TBCK: variants seen among roughly 807,000 people sequenced by gnomAD.
TBCK encodes the protein TBC domain-containing protein kinase-like protein.
TBCK carries 99 observed loss-of-function variants against 113.4 expected under a neutral mutation model. That is an observed-to-expected ratio of 0.87 (90% CI 0.74 to 1.03). The LOEUF (loss-of-function observed/expected upper bound fraction) is 1.03. TBCK is among the 50% of genes least tolerant of loss of function. The pLI, the probability that TBCK is intolerant of heterozygous loss-of-function variation, is 0.00. For synonymous variants in TBCK, 369 were observed against 370.8 expected (o/e 1.00, Z 0.05); for missense variants, 1,045 against 1,061.3 (o/e 0.98, Z 0.21).
chr4:106,229,998 A>G (rs1396551416), intron 19 of TBCK, among the ~76,000 whole-genome samples: 1 of 151,912 alleles, frequency 6.6e-6, no homozygotes, highest in Admixed American at 6.6e-5. Flanking sequence ...TATTTTTAAT[A>G]CTCTGCTTAC....
chr4:106,067,612 A>T (rs1289344783), intron 25 of TBCK, among the ~76,000 whole-genome samples: 1 of 152,024 alleles, frequency 6.6e-6, no homozygotes, highest in Non-Finnish European at 1.5e-5. Context: ...TTCCTCTAAG[A>T]GTTTTATAGT....
intron 24 of TBCK, among the ~76,000 whole-genome samples, chr4:106,101,036 G>C (rs1741489601): frequency 6.6e-6 from 1 of 152,076 alleles, no homozygotes; most frequent in Non-Finnish European, 1.5e-5. Flanking sequence ...TCAGACATAG[G>C]CCATTTCATA....
At chr4:106,109,018 T>TACACACACACAC (rs112164356) in intron 24 of TBCK, among the ~76,000 whole-genome samples, 3 of 140,520 alleles carry the variant, frequency 2.1e-5, no homozygotes, top group African/African-American at 7.9e-5. Context: ...GACACACACA[T>TACACACACACAC]ACACACACAC....
chr4:106,194,845 A>T, intron 20 of TBCK, 91 bp from the exon 21 acceptor site: 2 of 1,168,214 alleles, frequency 1.7e-6, no homozygotes, highest in South Asian at 2.9e-5. Flanking sequence ...TGGTAAATGT[A>T]AGTTCTATGT....
chr4:106,155,672 T>G (rs761452605), intron 23 of TBCK, among the ~76,000 whole-genome samples: 2 of 152,086 alleles, frequency 1.3e-5, no homozygotes, highest in Non-Finnish European at 2.9e-5. Flanking sequence ...TAGAGGACTG[T>G]GATGCATTCT....
chr4:106,136,133 C>CT (rs200800939), intron 23 of TBCK, among the ~76,000 whole-genome samples: 7 of 140,118 alleles, frequency 5.0e-5, no homozygotes, highest in Admixed American at 2.1e-4. Flanking sequence ...TCTTTATCTC[C>CT]TTTTTTTATT....
At chr4:106,221,025 A>G (rs1757617600) in intron 19 of TBCK, among the ~76,000 whole-genome samples, 1 of 152,258 alleles carries the variant, frequency 6.6e-6, no homozygotes, top group Admixed American at 6.5e-5. Flanking sequence ...GCTCCAGTTT[A>G]TTAAATATCA....
At chr4:106,276,729 T>G (rs114806872) in intron 3 of TBCK, among the ~76,000 whole-genome samples, 154 of 151,780 alleles carry the variant, frequency 1.0e-3, no homozygotes, top group African/African-American at 3.7e-3. Context: ...AAACCACATA[T>G]CTACTAAAAA....
chr4:106,192,416 G>A (rs1329100522), intron 22 of TBCK, among the ~76,000 whole-genome samples: 2 of 139,226 alleles, frequency 1.4e-5, no homozygotes, highest in Admixed American at 6.9e-5. Context: ...CCCAGTTTGC[G>A]AAACTAGCTT....
intron 19 of TBCK, among the ~76,000 whole-genome samples, chr4:106,228,445 G>A (rs181779884): frequency 3.3e-5 from 5 of 151,156 alleles, no homozygotes; most frequent in African/African-American, 7.3e-5. Flanking sequence ...ATCTCCATGA[G>A]TTCAAATGTT....
At position 106,171,145 on chromosome 4, in the gene TBCK, A is replaced by C; in HGVS notation, c.2185T>G (p.Ser729Ala). ...CACTCAGCAGAGAAATAAGGTGCCGAACTTCTGCCTCCACTGCTGTCAGAA... is the reference window on the plus strand; with the variant it reads ...CACTCAGCAGAGAAATAAGGTGCCGCACTTCTGCCTCCACTGCTGTCAGAA... ...PSSDSSGGRS[S>A]APYFSAECPD... Residue 729 changes from serine (S) to alanine (A), a missense_variant, in exon 23 of 26, where the codon TCG becomes GCG. Coordinates refer to ENST00000394708, the MANE Select transcript of TBCK (RefSeq NM_001163435.3). The C allele has an allele frequency of 6.2e-7, 1 of 1,612,888 alleles. No individual in the cohort carries two copies. The highest frequency in any genetic ancestry group is 8.5e-7 in the Non-Finnish European group (1 of 1,179,412).
chr4:106,054,336 C>T (rs1486923052), intron 25 of TBCK, among the ~76,000 whole-genome samples: 4 of 151,734 alleles, frequency 2.6e-5, no homozygotes, highest in African/African-American at 7.2e-5. Flanking sequence ...TAATCTTTCT[C>T]TACATGACAA....
intron 2 of TBCK, among the ~76,000 whole-genome samples, chr4:106,307,889 T>C (rs1158571241): frequency 6.6e-6 from 1 of 152,142 alleles, no homozygotes; most frequent in Non-Finnish European, 1.5e-5. Context: ...ACACTGACTT[T>C]TTAACCAATA....
At chr4:106,086,160 T>G (rs1454871368) in intron 25 of TBCK, among the ~76,000 whole-genome samples, 2 of 151,826 alleles carry the variant, frequency 1.3e-5, no homozygotes, top group East Asian at 3.9e-4. Flanking sequence ...AGCTTTTTTT[T>G]GAAAAAATTA....
At position 106,046,558 on chromosome 4, in the gene TBCK, A is replaced by C. The variant is rs199602528; in HGVS notation, c.*12T>G. On this transcript the variant is annotated 3_prime_UTR_variant, in exon 26 of 26. Coordinates refer to ENST00000394708, the MANE Select transcript of TBCK (RefSeq NM_001163435.3). ...TGCCACACTAAGTTTTGGCAGTCAC[A>C]CTCTTGGTTCTTCATATTTGAGGAG... The C allele has an allele frequency of 2.5e-5, 37 of 1,499,916 alleles. No individual in the cohort carries two copies. In the African/African-American group the frequency reaches 3.9e-4, roughly 16 times the overall value. 92.9% of individuals were successfully genotyped at this position (1,499,916 alleles called of 1,614,324 possible).
rs1206711248 is a variant in TBCK at position 106,212,851 on chromosome 4, T to A, written c.1775-16A>T. 1.3e-6 allele frequency: 2 copies of A among 1,556,904 alleles called. No individual in the cohort carries two copies. Among genetic ancestry groups the A allele is most frequent in the East Asian group, 2.3e-5 (1 of 44,380 alleles). On this transcript the variant is annotated splice_polypyrimidine_tract_variant and intron_variant, in intron 19 of 25. Coordinates refer to ENST00000394708, the MANE Select transcript of TBCK (RefSeq NM_001163435.3). ...GTCAGATACTCTGAAATTACAAAGTTTGAGACAATCATCATTTTTACACAG... is the reference window on the plus strand; with the variant it reads ...GTCAGATACTCTGAAATTACAAAGTATGAGACAATCATCATTTTTACACAG...
intron 20 of TBCK, among the ~76,000 whole-genome samples, chr4:106,202,180 C>CT (rs11288078): frequency 2.7e-5 from 4 of 150,054 alleles, no homozygotes; most frequent in South Asian, 2.1e-4. Context: ...AAGATACACA[C>CT]TTTTTTTTTT....
intron 3 of TBCK, among the ~76,000 whole-genome samples, chr4:106,293,750 C>G (rs1487794214): frequency 1.3e-5 from 2 of 152,034 alleles, no homozygotes; most frequent in Non-Finnish European, 2.9e-5. Flanking sequence ...CTTTTCTTCC[C>G]TTGAAAAAGA....
intron 3 of TBCK, among the ~76,000 whole-genome samples, chr4:106,292,088 G>A (rs141168969): frequency 7.2e-5 from 11 of 152,196 alleles, no homozygotes; most frequent in South Asian, 4.2e-4. Context: ...ACTTTACATC[G>A]GTATATGCAG....
Sources: gnomAD v4.1 joint callset for allele counts (sites outside exome capture counted in the v4.1 genomes callset) on GRCh38, gnomAD v4.1.1 for gene constraint, MANE v1.5 for transcripts, NCBI Gene and HGNC (gene_info 2026-07-23, HGNC 2026-07-21) for gene names.